Variants in IL24 observed in about 807,000 individuals in gnomAD.
IL24 encodes interleukin 24, also known as interleukin-24.
IL24 carries 24 observed loss-of-function variants against 27.6 expected under a neutral mutation model. The observed-to-expected ratio is 0.87, with a 90% CI of 0.63 to 1.22. IL24 has a LOEUF of 1.22. Ranked by LOEUF, IL24 falls within the 50% of genes most tolerant of loss-of-function variation. The probability of loss-of-function intolerance (pLI) is 0.00; values close to 1 mark genes in which losing one functional copy is unlikely to be tolerated. For missense variants in IL24, 240 were observed against 237.0 expected (o/e 1.01, Z -0.08); for synonymous variants, 99 against 93.1 (o/e 1.06, Z -0.36).
At chr1:206,902,370 A>C (rs550842464) in intron 6 of IL24, 1 of 985,250 alleles carries the variant, frequency 1.0e-6, no homozygotes, top group Non-Finnish European at 1.2e-6. Flanking sequence ...TGAAGTCAGA[A>C]GAGAGGGAGA....
At position 206,903,138 on chromosome 1, in the gene IL24, G is replaced by A. The variant is rs904715863; in HGVS notation, c.*79G>A. The A allele has an allele frequency of 2.5e-6, 3 of 1,221,804 alleles. No homozygotes were observed. The highest frequency in any genetic ancestry group is 3.6e-6 in the Non-Finnish European group (3 of 823,500). The allele number at this position is 1,221,804 out of a possible 1,614,324, so 75.7% of individuals were successfully genotyped here. A position where few individuals can be genotyped will look rare whatever the true frequency, so the allele number is the denominator to read the frequency against. ...TTCAAACAGTCTCCCTTCCTATGCT[G>A]TTCACTGGACACTTCACGCCCTTGG... is the stretch of plus-strand genomic sequence containing the variant. On this transcript the variant is annotated 3_prime_UTR_variant, in exon 7 of 7. Transcript: ENST00000294984.
At chr1:206,900,396 G>A in intron 4 of IL24, 39 bp downstream of exon 4, 1 of 1,587,122 alleles carries the variant, frequency 6.3e-7, no homozygotes, top group Non-Finnish European at 8.7e-7. Flanking sequence ...TGTGGGACGG[G>A]TCTACTGTGG....
chr1:206,898,764 ACCTGCCCT>A (rs1678256208), intron 2 of IL24, among the ~76,000 whole-genome samples: 1 of 152,030 alleles, frequency 6.6e-6, no homozygotes, highest in Non-Finnish European at 1.5e-5. Flanking sequence ...TGTGACCCTG[ACCTGCCCT>A]CTGTGCCCCT....
chr1:206,900,329 T>C lies in IL24; in HGVS notation c.275T>C (p.Leu92Pro), dbSNP rs764445092. The part of the protein sequence containing the change: ...AQDNITSARL[L>P]QQEVLQNVSD... ...GATAACATCACGAGTGCCCGGCTGC[T>C]GCAGCAGGAGGTTCTGCAGAACGTC... The change falls in exon 4 of 7, where the codon CTG becomes CCG. Residue 92 changes from leucine (L) to proline (P), a missense_variant. Physicochemically the swap from Leu to Pro is moderately conservative, Grantham distance 98. Transcript: ENST00000294984. The C allele has an allele frequency of 6.2e-7, 1 of 1,614,018 alleles. No homozygotes were observed. Among genetic ancestry groups the C allele is most frequent in the Non-Finnish European group, 8.5e-7 (1 of 1,179,994 alleles).
intron 6 of IL24, 53 bp from the exon 7 acceptor site, chr1:206,902,923 A>G: frequency 1.2e-6 from 2 of 1,613,678 alleles, no homozygotes; most frequent in Admixed American, 1.7e-5. Context: ...GGTTGGAAGA[A>G]AGACTATTCT....
In IL24 at chr1:206,899,461, G is replaced by A; in HGVS notation, c.186G>A (p.Lys62=). The A allele has an allele frequency of 6.2e-7, 1 of 1,613,748 alleles. No homozygotes were observed. Among genetic ancestry groups the A allele is most frequent in the Non-Finnish European group, 8.5e-7 (1 of 1,179,776 alleles). Residue 62 remains lysine (K), a synonymous_variant, in exon 3 of 7, where the codon AAG becomes AAA. Coordinates refer to ENST00000294984, the MANE Select transcript of IL24 (RefSeq NM_006850.3). ...QEFHFGPCQV[K]GVVPQKLWEA... ...TCCACTTTGGGCCCTGCCAAGTGAA[G>A]GGGGTTGTTCCCCAGAAACTGTGGG... is the stretch of plus-strand genomic sequence containing the variant.
chr1:206,900,240 T>C (rs921139033), intron 3 of IL24, 55 bp from the exon 4 acceptor site: 84 of 1,488,374 alleles, frequency 5.6e-5, no homozygotes, highest in Admixed American at 3.0e-4. Context: ...ATTTGCAGAG[T>C]TGGTTTCTAT....
Position 206,903,141 on chromosome 1 carries a change from C to A in IL24, c.*82C>A. 1.7e-6 allele frequency: 2 copies of A among 1,178,608 alleles called. No individual in the cohort carries two copies. The highest frequency in any genetic ancestry group is 2.4e-5 in the South Asian group (2 of 81,758). 73.0% of individuals were successfully genotyped at this position (1,178,608 alleles called of 1,614,324 possible). A position where few individuals can be genotyped will look rare whatever the true frequency, so the allele number is the denominator to read the frequency against. Reference sequence around the variant, plus strand: ...AAACAGTCTCCCTTCCTATGCTGTTCACTGGACACTTCACGCCCTTGGCCA... The same window carrying A: ...AAACAGTCTCCCTTCCTATGCTGTTAACTGGACACTTCACGCCCTTGGCCA... On this transcript the variant is annotated 3_prime_UTR_variant, in exon 7 of 7. Coordinates refer to ENST00000294984, the MANE Select transcript of IL24 (RefSeq NM_006850.3).
At chr1:206,898,115 C>T (rs548712770) in intron 2 of IL24, among the ~76,000 whole-genome samples, 5 of 145,320 alleles carry the variant, frequency 3.4e-5, no homozygotes, top group South Asian at 2.2e-4. Context: ...TGCAGTGAGC[C>T]GAGATCATGC....
intron 3 of IL24, 33 bp downstream of exon 3, chr1:206,899,548 G>A (rs1390780538): frequency 2.0e-6 from 3 of 1,507,050 alleles, no homozygotes; most frequent in East Asian, 2.3e-5. Flanking sequence ...CCCAGTCGTG[G>A]GGGTTCCTGG....
chr1:206,897,681 G>A (rs989191734), intron 1 of IL24, 50 bp from the exon 2 acceptor site: 9 of 623,230 alleles, frequency 1.4e-5, no homozygotes, highest in Admixed American at 5.6e-5. Flanking sequence ...TTTGTGAAAA[G>A]GGGTCAAGGT....
chr1:206,902,947 G>A (rs1425741809), intron 6 of IL24, 29 bp from the exon 7 acceptor site: 4 of 1,613,960 alleles, frequency 2.5e-6, no homozygotes, highest in Non-Finnish European at 3.4e-6. Context: ...AGCTAACATG[G>A]CTGACCTTCA....
At chr1:206,902,877 C>G (rs774640664) in intron 6 of IL24, 99 bp from the exon 7 acceptor site, 265 of 1,596,672 alleles carry the variant, frequency 1.7e-4, no homozygotes, top group Middle Eastern at 1.2e-3. Flanking sequence ...GTGACCCATC[C>G]CTTGGATTGG....
chr1:206,897,640 C>CA (rs1678210788), intron 1 of IL24, 25 bp downstream of exon 1: 1 of 469,790 alleles, frequency 2.1e-6, no homozygotes, highest in South Asian at 3.0e-5. Context: ...TTCTTGGTTA[C>CA]TTTTTTTTGA....
intron 3 of IL24, among the ~76,000 whole-genome samples, 195 bp downstream of exon 3, chr1:206,899,710 A>G (rs991180560): frequency 6.6e-5 from 10 of 152,182 alleles, no homozygotes; most frequent in Admixed American, 3.3e-4. Context: ...TGGGGCTCAG[A>G]AAAAATGTGG....
chr1:206,900,390 G>T (rs757359241), intron 4 of IL24, 33 bp downstream of exon 4: 11 of 1,603,622 alleles, frequency 6.9e-6, no homozygotes. Flanking sequence ...ACCCTCTGTG[G>T]GACGGGTCTA....
chr1:206,899,415 C>T lies in IL24; in HGVS notation c.140C>T (p.Ser47Leu), dbSNP rs773808752. The T allele has an allele frequency of 3.7e-6, 6 of 1,614,088 alleles. No individual in the cohort carries two copies. Among genetic ancestry groups the T allele is most frequent in the Non-Finnish European group, 5.1e-6 (6 of 1,180,032 alleles). The change falls in exon 3 of 7, where the codon TCA becomes TTA. Residue 47 changes from serine to leucine, a missense_variant. Ser to Leu is a moderately radical substitution (Grantham distance 145). Transcript: ENST00000294984. The part of the protein sequence containing the change: ...GFTLLLWSQV[S>L]GAQGQEFHFG... ...ACCCTGCTTCTCTGGAGCCAGGTAT[C>T]AGGGGCCCAGGGCCAAGAATTCCAC... is the stretch of plus-strand genomic sequence containing the variant.
At position 206,898,009 on chromosome 1, in the gene IL24, T is replaced by C. The variant is rs980107476; in HGVS notation, c.44+133T>C. On this transcript the variant is annotated intron_variant, in intron 2 of 6. Coordinates refer to ENST00000294984, the MANE Select transcript of IL24 (RefSeq NM_006850.3). ...CTCTACTAAAAATACAAAAAAAAAT[T>C]AGTTGGGCATGTGTTTTTGATATTT... is the stretch of plus-strand genomic sequence containing the variant. 1.9e-5 allele frequency: 10 copies of C among 520,578 alleles called. No homozygotes were observed. The Admixed American group carries it at 2.4e-4, about 12-fold the overall frequency. The allele number at this position is 520,578 out of a possible 1,614,324, so 32.2% of individuals were successfully genotyped here.
intron 2 of IL24, among the ~76,000 whole-genome samples, chr1:206,898,912 C>T (rs547188254): frequency 4.6e-5 from 7 of 152,318 alleles, no homozygotes; most frequent in African/African-American, 1.7e-4. Context: ...TGGATAAGCA[C>T]ATGTCTAGTT....
Sources: allele counts gnomAD v4.1 joint callset (sites outside exome capture counted in the v4.1 genomes callset), GRCh38; gene constraint gnomAD v4.1.1; transcripts MANE v1.5; gene names NCBI Gene and HGNC (gene_info 2026-07-23, HGNC 2026-07-21).